GTF2IRD1: variants seen among roughly 807,000 people sequenced by gnomAD.
GTF2IRD1 encodes the protein GTF2I repeat domain containing 1, also known as general transcription factor II-I repeat domain-containing protein 1.
A neutral mutation model predicts 113.2 loss-of-function variants in GTF2IRD1; 26 were observed. That is an observed-to-expected ratio of 0.23 (90% CI 0.17 to 0.32). The LOEUF (loss-of-function observed/expected upper bound fraction) is 0.32. GTF2IRD1 is among the 10% of genes least tolerant of loss of function. GTF2IRD1 has a pLI of 1.00. For missense variants in GTF2IRD1, 864 were observed against 1,280.8 expected (o/e 0.67, Z 4.97); for synonymous variants, 484 against 529.1 (o/e 0.91, Z 1.17).
At chr7:74,593,628 G>C (rs1802208745) in intron 24 of GTF2IRD1, among the ~76,000 whole-genome samples, 1 of 151,138 alleles carries the variant, frequency 6.6e-6, no homozygotes, top group Non-Finnish European at 1.5e-5. Context: ...AGCTACTCGA[G>C]AGGCTGAGGC....
At chr7:74,537,989 C>G in intron 11 of GTF2IRD1, 147 bp from the exon 12 acceptor site, 3 of 713,470 alleles carry the variant, frequency 4.2e-6, no homozygotes, top group Non-Finnish European at 7.6e-6. Context: ...GTGGGGAGCA[C>G]CATCCTGGAG....
chr7:74,547,927 C>T (rs587708293), intron 17 of GTF2IRD1, among the ~76,000 whole-genome samples: 2 of 152,230 alleles, frequency 1.3e-5, no homozygotes, highest in South Asian at 2.1e-4. Context: ...AACGTCCCAT[C>T]AGCTCACGGG....
At chr7:74,481,979 G>C (rs1041818831) in intron 1 of GTF2IRD1, among the ~76,000 whole-genome samples, 29 of 152,232 alleles carry the variant, frequency 1.9e-4, no homozygotes, top group African/African-American at 6.3e-4. Flanking sequence ...AGGCTGGGAA[G>C]AGCTCGACCA....
At chr7:74,569,293 C>T (rs1288993962) in intron 22 of GTF2IRD1, among the ~76,000 whole-genome samples, 4 of 152,246 alleles carry the variant, frequency 2.6e-5, no homozygotes, top group Non-Finnish European at 5.9e-5. Context: ...TTTTCACACA[C>T]AGCCTCTTAG....
chr7:74,601,306 C>T, intron 26 of GTF2IRD1, 126 bp downstream of exon 26: 2 of 1,543,930 alleles, frequency 1.3e-6, no homozygotes, highest in African/African-American at 1.4e-5. Flanking sequence ...GAGTGGGGAC[C>T]TTCCGGCCTC....
intron 1 of GTF2IRD1, among the ~76,000 whole-genome samples, chr7:74,464,011 A>G (rs931385774): frequency 6.6e-6 from 1 of 152,146 alleles, no homozygotes; most frequent in Non-Finnish European, 1.5e-5. Flanking sequence ...GGTGTGAGCC[A>G]CCGCGCCCTG....
Position 74,518,132 on chromosome 7 carries a change from C to T in GTF2IRD1, c.422-7C>T. ...ACCAGGCCCCTCTCCTGGACTCTCC[C>T]CTACAGGCGAGGCCCTGGGAAGGGC... On this transcript the variant is annotated splice_polypyrimidine_tract_variant and splice_region_variant and intron_variant, in intron 4 of 26. Transcript: ENST00000424337. The T allele has an allele frequency of 6.5e-7, 1 of 1,548,930 alleles. No individual in the cohort carries two copies. Among genetic ancestry groups the T allele is most frequent in the Non-Finnish European group, 8.7e-7 (1 of 1,144,456 alleles).
At chr7:74,544,841 C>T (rs782580351) in intron 15 of GTF2IRD1, 39 bp downstream of exon 15, 26 of 1,555,056 alleles carry the variant, frequency 1.7e-5, no homozygotes, top group Non-Finnish European at 1.7e-5. Context: ...ACACCCACCC[C>T]CACCCCATCT....
chr7:74,533,582 G>A (rs1029613377), intron 9 of GTF2IRD1, among the ~76,000 whole-genome samples: 5 of 152,164 alleles, frequency 3.3e-5, no homozygotes, highest in Admixed American at 3.3e-4. Flanking sequence ...CCAGGTGCCT[G>A]AGGACAGCAC....
At chr7:74,511,252 C>T (rs1796613298) in intron 2 of GTF2IRD1, among the ~76,000 whole-genome samples, 1 of 152,192 alleles carries the variant, frequency 6.6e-6, no homozygotes, top group Admixed American at 6.5e-5. Context: ...CCAGCCTCCT[C>T]CAAATGCTAG....
Position 74,515,445 on chromosome 7 carries a change from G to A in GTF2IRD1, c.270G>A (p.Gly90=), listed in dbSNP as rs1554344395. ...CGCGTGCTCTGTGTCCCACAGGAGG[G>A]CCCCCGTGGAAGGATCCGGAGGCAG... The part of the protein sequence containing the change: ...LQSDFLRFCR[G]PPWKDPEAEH... Residue 90 remains glycine, a synonymous_variant, in exon 4 of 27, where the codon GGG becomes GGA. Coordinates refer to ENST00000424337, the MANE Select transcript of GTF2IRD1 (RefSeq NM_005685.4). 1.9e-6 allele frequency: 3 copies of A among 1,584,346 alleles called. No homozygotes were observed. The highest frequency in any genetic ancestry group is 1.1e-5 in the South Asian group (1 of 88,386).
intron 25 of GTF2IRD1, among the ~76,000 whole-genome samples, chr7:74,597,348 T>TA (rs1802484113): frequency 6.7e-6 from 1 of 148,466 alleles, no homozygotes; most frequent in South Asian, 2.1e-4. Flanking sequence ...GGCCTTTTTT[T>TA]TTTTTTTTTT....
chr7:74,543,893 A>C (rs1265600191), intron 14 of GTF2IRD1, among the ~76,000 whole-genome samples: 3 of 151,168 alleles, frequency 2.0e-5, no homozygotes, highest in Non-Finnish European at 4.4e-5. Flanking sequence ...AAAAAAAAAA[A>C]AAACAATTAG....
rs1554357560 is a variant in GTF2IRD1 at position 74,557,682 on chromosome 7, A to G, written c.2067A>G (p.Thr689=). 6 of 1,613,402 alleles carry G rather than the reference A, an allele frequency of 3.7e-6. No homozygotes were observed. The highest frequency in any genetic ancestry group is 2.2e-5 in the East Asian group (1 of 44,878). The stretch of plus-strand genomic sequence containing the variant: ...TCTCACGGATCGACATCGCCAACAC[A>G]CTAAGGGAGCAGGTCCAGGACCTTT... ...ARLSRIDIAN[T]LREQVQDLFN... Residue 689 remains threonine, a synonymous_variant, in exon 20 of 27, where the codon ACA becomes ACG. Transcript: ENST00000424337.
intron 1 of GTF2IRD1, chr7:74,507,332 G>A (rs1369325365): frequency 6.6e-6 from 1 of 152,072 alleles, no homozygotes; most frequent in Non-Finnish European, 1.5e-5. Context: ...AAATTAGCCA[G>A]ACGTGTGGTG....
chr7:74,518,410 G>T (rs1797082714), intron 5 of GTF2IRD1, 88 bp downstream of exon 5: 1 of 1,088,306 alleles, frequency 9.2e-7, no homozygotes, highest in East Asian at 2.6e-5. Context: ...AGCCAGAGGG[G>T]AAGGGACTTG....
At chr7:74,498,414 A>G (rs1309908856) in intron 1 of GTF2IRD1, among the ~76,000 whole-genome samples, 4 of 152,034 alleles carry the variant, frequency 2.6e-5, no homozygotes, top group African/African-American at 9.7e-5. Flanking sequence ...TATTCCATTG[A>G]TTCTGTCCAA....
chr7:74,579,620 GAAA>G (rs35170472), intron 22 of GTF2IRD1, among the ~76,000 whole-genome samples: 1 of 134,364 alleles, frequency 7.4e-6, no homozygotes, highest in South Asian at 2.5e-4. Context: ...TCCATCTTAA[GAAA>G]AAAAAAAAAA....
intron 1 of GTF2IRD1, among the ~76,000 whole-genome samples, chr7:74,485,509 C>G (rs1021020596): frequency 3.3e-5 from 5 of 151,934 alleles, no homozygotes; most frequent in Admixed American, 2.0e-4. Flanking sequence ...CCCAGCTACT[C>G]GGGAGGCTGA....
Sources: gnomAD v4.1 joint callset for allele counts (sites outside exome capture counted in the v4.1 genomes callset) on GRCh38, gnomAD v4.1.1 for gene constraint, MANE v1.5 for transcripts, NCBI Gene and HGNC (gene_info 2026-07-23, HGNC 2026-07-21) for gene names.